Variants in TMEM178B observed in about 807,000 individuals in gnomAD.
TMEM178B encodes transmembrane protein 178B.
TMEM178B carries 5 observed loss-of-function variants against 31.0 expected under a neutral mutation model. That is an observed-to-expected ratio of 0.16 (90% CI 0.08 to 0.34). The LOEUF (loss-of-function observed/expected upper bound fraction) is 0.34. Ranked by LOEUF, TMEM178B falls within the 10% of genes least tolerant of loss-of-function variation. The pLI, the probability that TMEM178B is intolerant of heterozygous loss-of-function variation, is 1.00. For synonymous variants in TMEM178B, 164 were observed against 164.0 expected (o/e 1.00, Z 0.00); for missense variants, 275 against 400.3 (o/e 0.69, Z 2.67).
intron 2 of TMEM178B, among the ~76,000 whole-genome samples, chr7:141,271,159 T>C (rs1363904736): frequency 6.6e-6 from 1 of 152,190 alleles, no homozygotes; most frequent in African/African-American, 2.4e-5. Context: ...GACATGCAGC[T>C]GTATCTGGTT....
intron 1 of TMEM178B, among the ~76,000 whole-genome samples, chr7:141,089,122 G>T (rs1300823629): frequency 6.6e-6 from 1 of 152,220 alleles, no homozygotes; most frequent in African/African-American, 2.4e-5. Flanking sequence ...AAACATATGG[G>T]TAAGCAAATA....
At chr7:141,326,751 C>A (rs1268939766) in intron 2 of TMEM178B, among the ~76,000 whole-genome samples, 2 of 152,176 alleles carry the variant, frequency 1.3e-5, no homozygotes, top group African/African-American at 4.8e-5. Flanking sequence ...TGCTTACTAG[C>A]TAATCCTTTA....
intron 1 of TMEM178B, among the ~76,000 whole-genome samples, chr7:141,087,500 AATAG>A (rs761147673): frequency 2.8e-3 from 434 of 152,324 alleles, no homozygotes; most frequent in Non-Finnish European, 4.9e-3. Flanking sequence ...TTGAACTTTA[AATAG>A]ATAGAGCACT....
intron 1 of TMEM178B, among the ~76,000 whole-genome samples, chr7:141,112,958 C>T (rs1269557599): frequency 6.6e-6 from 1 of 152,202 alleles, no homozygotes; most frequent in African/African-American, 2.4e-5. Flanking sequence ...GACTTGGGAA[C>T]TTGCTTTGCA....
intron 2 of TMEM178B, among the ~76,000 whole-genome samples, chr7:141,385,467 G>GA (rs959443994): frequency 6.6e-6 from 1 of 152,180 alleles, no homozygotes; most frequent in African/African-American, 2.4e-5. Flanking sequence ...AATGTACATT[G>GA]AAAAATTCAG....
In TMEM178B at chr7:141,410,465, CTCTG is replaced by C. The variant is rs528888534; in HGVS notation, c.497-27139_497-27136del. ...TATTTTCCCTCCCTCCCTCCCCCAC[CTCTG>C]TCTTTCTTTTTTTCTTTCTCTCCTT... On this transcript the variant is annotated intron_variant, in intron 2 of 3. Transcript: ENST00000565468. 4.2e-3 allele frequency among the ~76,000 whole-genome samples: 618 copies of C among 148,870 alleles called. 6 individuals are homozygous for C. The highest frequency in any genetic ancestry group is 0.014 in the African/African-American group (581 of 40,092).
chr7:141,152,588 GTTT>G (rs966794534), intron 1 of TMEM178B, among the ~76,000 whole-genome samples: 35 of 152,272 alleles, frequency 2.3e-4, no homozygotes, highest in Middle Eastern at 3.4e-3. Flanking sequence ...TGAAGTTAAA[GTTT>G]TTTTCTGAGA....
chr7:141,281,060 G>T (rs1038593979), intron 2 of TMEM178B, among the ~76,000 whole-genome samples: 1 of 152,058 alleles, frequency 6.6e-6, no homozygotes, highest in African/African-American at 2.4e-5. Flanking sequence ...CCTCTCCTGG[G>T]AAGGGATATT....
At chr7:141,123,621 T>G (rs1795443231) in intron 1 of TMEM178B, among the ~76,000 whole-genome samples, 1 of 152,210 alleles carries the variant, frequency 6.6e-6, no homozygotes, top group Admixed American at 6.5e-5. Context: ...TTTGGCTTCC[T>G]TCATTGGTAG....
intron 1 of TMEM178B, among the ~76,000 whole-genome samples, chr7:141,131,097 A>G (rs1167604506): frequency 6.6e-6 from 1 of 152,134 alleles, no homozygotes; most frequent in Non-Finnish European, 1.5e-5. Flanking sequence ...CAGGAGAGCT[A>G]TTTTCTGAAA....
At chr7:141,466,187 A>C (rs1012636790) in intron 3 of TMEM178B, among the ~76,000 whole-genome samples, 7 of 152,214 alleles carry the variant, frequency 4.6e-5, no homozygotes, top group African/African-American at 1.7e-4. Flanking sequence ...AGTGGGAGAC[A>C]TAAAGGTGTT....
chr7:141,216,273 A>G (rs930059329), intron 2 of TMEM178B, among the ~76,000 whole-genome samples: 21 of 152,136 alleles, frequency 1.4e-4, no homozygotes, highest in Middle Eastern at 3.2e-3. Flanking sequence ...TACCAATGGG[A>G]GGCTTAAATG....
chr7:141,448,499 A>G (rs1474192386), intron 3 of TMEM178B, among the ~76,000 whole-genome samples: 1 of 152,144 alleles, frequency 6.6e-6, no homozygotes, highest in Non-Finnish European at 1.5e-5. Flanking sequence ...GTGTTGGTGG[A>G]TCTTTTGGAA....
the TMEM178B span, among the ~76,000 whole-genome samples, chr7:141,499,679 C>T: frequency 6.6e-6 from 1 of 151,956 alleles, no homozygotes; most frequent in Non-Finnish European, 1.5e-5. Context: ...ATAAGTATAT[C>T]AAATTTGCCA....
chr7:141,313,469 C>A (rs1798948517), intron 2 of TMEM178B, among the ~76,000 whole-genome samples: 1 of 152,202 alleles, frequency 6.6e-6, no homozygotes, highest in Admixed American at 6.5e-5. Flanking sequence ...TACTGCCATT[C>A]TCAGCTTCTA....
intron 2 of TMEM178B, among the ~76,000 whole-genome samples, chr7:141,298,788 T>C (rs768999642): frequency 2.1e-4 from 32 of 152,260 alleles, no homozygotes; most frequent in Non-Finnish European, 4.3e-4. Flanking sequence ...CTTGGACACA[T>C]TTGCAGATAT....
chr7:141,298,593 C>T, intron 2 of TMEM178B, among the ~76,000 whole-genome samples: 1 of 152,154 alleles, frequency 6.6e-6, no homozygotes, highest in East Asian at 1.9e-4. Context: ...TCATGAGCCT[C>T]CAATAGTTCT....
chr7:141,187,034 G>A (rs1796620159), intron 1 of TMEM178B, among the ~76,000 whole-genome samples: 1 of 151,570 alleles, frequency 6.6e-6, no homozygotes, highest in South Asian at 2.1e-4. Flanking sequence ...TTGGTGTGCT[G>A]CACACATTAA....
intron 1 of TMEM178B, among the ~76,000 whole-genome samples, chr7:141,168,267 A>G (rs1796292950): frequency 6.6e-6 from 1 of 152,090 alleles, no homozygotes; most frequent in South Asian, 2.1e-4. Flanking sequence ...GCTTCAAGTC[A>G]TTCTTCTGGT....
Sources: gnomAD v4.1 joint callset for allele counts (sites outside exome capture counted in the v4.1 genomes callset) on GRCh38, gnomAD v4.1.1 for gene constraint, MANE v1.5 for transcripts, NCBI Gene and HGNC (gene_info 2026-07-23, HGNC 2026-07-21) for gene names.